Variants in LPP observed in about 807,000 individuals in gnomAD.
The protein encoded by LPP is lipoma-preferred partner.
A neutral mutation model predicts 60.4 loss-of-function variants in LPP; 38 were observed. The observed-to-expected ratio is 0.63, with a 90% CI of 0.49 to 0.83. LPP has a LOEUF of 0.83. Among genes scored for constraint, LPP ranks in the 40% least tolerant of loss-of-function variants. LPP has a pLI of 0.00. For missense variants in LPP, 902 were observed against 783.6 expected, an observed-to-expected ratio of 1.15 and a Z score of -1.80; for synonymous variants, 328 against 290.8, an observed-to-expected ratio of 1.13 and a Z score of -1.30.
In LPP at chr3:188,352,612, G is replaced by A. The variant is rs1766215042; in HGVS notation, c.-10+10893G>A. On this transcript the variant is annotated intron_variant, in intron 3 of 11. Transcript: ENST00000617246. This position sits in a 1 kb window ranked among gnomAD's most constrained non-coding sequence, Gnocchi z 4.4. Reference sequence around the variant, plus strand: ...GTGTGAGGACAGTGAGGCGCATTATGCGGAGGTGACTTGCTCAAGGCCACA... The same window carrying A: ...GTGTGAGGACAGTGAGGCGCATTATACGGAGGTGACTTGCTCAAGGCCACA... 6.6e-6 allele frequency among the ~76,000 whole-genome samples: 1 copy of A among 152,244 alleles called. No homozygotes were observed. Among genetic ancestry groups the A allele is most frequent in the African/African-American group, 2.4e-5 (1 of 41,462 alleles).
chr3:188,693,746 A>G (rs972261855), intron 7 of LPP, among the ~76,000 whole-genome samples: 2 of 152,138 alleles, frequency 1.3e-5, no homozygotes, highest in Non-Finnish European at 1.5e-5. Context: ...ACTTTATAGC[A>G]ACTTCCATCT....
chr3:188,864,454 A>G (rs1766081525), intron 9 of LPP, among the ~76,000 whole-genome samples: 1 of 152,256 alleles, frequency 6.6e-6, no homozygotes, highest in South Asian at 2.1e-4. Flanking sequence ...TCTGCCCCTA[A>G]TGAAATTAAA....
intron 6 of LPP, among the ~76,000 whole-genome samples, chr3:188,574,957 G>A (rs1834288300): frequency 6.6e-6 from 1 of 151,740 alleles, no homozygotes; most frequent in East Asian, 1.9e-4. Flanking sequence ...CGGCAGATGA[G>A]TCTCTTCCTT....
At chr3:188,251,404 G>T (rs934244081) in intron 2 of LPP, among the ~76,000 whole-genome samples, 7 of 152,026 alleles carry the variant, frequency 4.6e-5, no homozygotes, top group Non-Finnish European at 7.4e-5. Context: ...TTTTTATGTG[G>T]AGAAAGATGT....
chr3:188,518,976 G>A (rs923359667), intron 5 of LPP, among the ~76,000 whole-genome samples: 12 of 151,864 alleles, frequency 7.9e-5, no homozygotes, highest in African/African-American at 2.9e-4. Context: ...CAAATAAATC[G>A]TTAACGTATT....
chr3:188,314,257 G>T (rs1255630510), intron 2 of LPP, among the ~76,000 whole-genome samples: 4 of 151,898 alleles, frequency 2.6e-5, no homozygotes, highest in Admixed American at 2.0e-4. Context: ...AATGTATTGT[G>T]TTGAAAAGTA....
At chr3:188,240,859 A>T (rs1172404903) in intron 2 of LPP, among the ~76,000 whole-genome samples, 3 of 152,270 alleles carry the variant, frequency 2.0e-5, no homozygotes, top group Admixed American at 6.5e-5. Context: ...GAACCTCCCT[A>T]TTGGCTATAT....
At chr3:188,340,913 C>T (rs1036073076) in intron 2 of LPP, among the ~76,000 whole-genome samples, 1 of 152,054 alleles carries the variant, frequency 6.6e-6, no homozygotes, top group South Asian at 2.1e-4. Context: ...TATCACTGCT[C>T]TCTATAACCA....
chr3:188,831,486 G>A (rs1253311962), intron 9 of LPP, among the ~76,000 whole-genome samples: 2 of 152,102 alleles, frequency 1.3e-5, no homozygotes, highest in African/African-American at 4.8e-5. Flanking sequence ...GACATTTTTG[G>A]TCTCTAGCTG....
At chr3:188,378,245 A>T (rs1023971738) in intron 3 of LPP, among the ~76,000 whole-genome samples, 1 of 152,156 alleles carries the variant, frequency 6.6e-6, no homozygotes, top group African/African-American at 2.4e-5. Context: ...TCAGAGAGGG[A>T]CATGTAAGTC....
intron 4 of LPP, among the ~76,000 whole-genome samples, chr3:188,450,702 G>A (rs991854094): frequency 8.0e-5 from 12 of 150,918 alleles, no homozygotes; most frequent in Non-Finnish European, 1.0e-4. Context: ...CCGAGATCAC[G>A]CCACTGCACT....
intron 10 of LPP, among the ~76,000 whole-genome samples, chr3:188,871,632 A>G (rs1768117087): frequency 6.6e-6 from 1 of 152,162 alleles, no homozygotes; most frequent in Admixed American, 6.5e-5. Context: ...TTATCTTAAA[A>G]CCAGTACCAT....
intron 2 of LPP, among the ~76,000 whole-genome samples, chr3:188,232,931 T>A (rs896341169): frequency 6.6e-6 from 1 of 151,544 alleles, no homozygotes; most frequent in African/African-American, 2.4e-5. Flanking sequence ...AGTGTGGTAC[T>A]TCTTATGTAG....
At chr3:188,194,650 T>G (rs1729044712) in intron 1 of LPP, among the ~76,000 whole-genome samples, 1 of 152,202 alleles carries the variant, frequency 6.6e-6, no homozygotes, top group African/African-American at 2.4e-5. Context: ...AGTCAAAATA[T>G]TGACATTAAG....
intron 9 of LPP, among the ~76,000 whole-genome samples, chr3:188,771,807 T>TC (rs775975781): frequency 1.3e-5 from 2 of 152,140 alleles, no homozygotes; most frequent in Non-Finnish European, 2.9e-5. Context: ...CAACTGTAAG[T>TC]CAGCATTTCA....
chr3:188,412,499 T>C (rs1785149901), intron 4 of LPP, among the ~76,000 whole-genome samples: 1 of 152,180 alleles, frequency 6.6e-6, no homozygotes, highest in African/African-American at 2.4e-5. Flanking sequence ...ACAGATGTTA[T>C]TGTCATTTTG....
intron 2 of LPP, among the ~76,000 whole-genome samples, chr3:188,324,046 C>T (rs7620042): frequency 0.13 from 19,322 of 151,916 alleles, 1,808 homozygotes; most frequent in East Asian, 0.31. Flanking sequence ...TTGTTGTTGT[C>T]GTTATTATCT....
At chr3:188,320,931 T>G (rs1192176504) in intron 2 of LPP, among the ~76,000 whole-genome samples, 1 of 152,166 alleles carries the variant, frequency 6.6e-6, no homozygotes, top group Non-Finnish European at 1.5e-5. Flanking sequence ...GTAGAAAAGG[T>G]ATCCCAGTGG....
intron 9 of LPP, among the ~76,000 whole-genome samples, chr3:188,808,847 A>G (rs977284604): frequency 3.9e-5 from 6 of 151,914 alleles, no homozygotes; most frequent in African/African-American, 1.5e-4. Context: ...CCATCCCCCA[A>G]CAGGCTCAGA....
Sources: gnomAD v4.1 joint callset for allele counts (sites outside exome capture counted in the v4.1 genomes callset) on GRCh38, gnomAD v4.1.1 for gene constraint, Gnocchi (gnomAD v3.1) non-coding constraint, MANE v1.5 for transcripts, NCBI Gene and HGNC (gene_info 2026-07-23, HGNC 2026-07-21) for gene names.